The following INPP4B variants were observed in gnomAD, a reference collection of about 807,000 sequenced individuals.
INPP4B encodes inositol polyphosphate-4-phosphatase type II B, also known as inositol polyphosphate 4-phosphatase type II.
A neutral mutation model predicts 122.5 loss-of-function variants in INPP4B; 55 were observed. The ratio of observed to expected loss-of-function variants is 0.45; its 90% CI spans 0.36 to 0.56. The LOEUF is 0.56. Ranked by LOEUF, INPP4B falls within the 20% of genes least tolerant of loss-of-function variation. The pLI is 0.00. For synonymous variants in INPP4B, 403 were observed against 388.7 expected, an observed-to-expected ratio of 1.04 and a Z score of -0.43; for missense variants, 1,000 against 1,097.7, an observed-to-expected ratio of 0.91 and a Z score of 1.26.
intron 2 of INPP4B, among the ~76,000 whole-genome samples, chr4:142,572,241 G>A (rs957071645): frequency 3.3e-5 from 5 of 152,160 alleles, no homozygotes; most frequent in African/African-American, 4.8e-5. Context: ...GCAAGGATAT[G>A]ATTTTACCTC....
intron 2 of INPP4B, among the ~76,000 whole-genome samples, chr4:142,617,264 A>T (rs1264460872): frequency 6.6e-6 from 1 of 152,030 alleles, no homozygotes; most frequent in African/African-American, 2.4e-5. Context: ...ATTTCTATTG[A>T]CAAATTGACA....
intron 2 of INPP4B, among the ~76,000 whole-genome samples, chr4:142,607,274 A>G (rs1741468081): frequency 6.6e-6 from 1 of 152,026 alleles, no homozygotes; most frequent in Non-Finnish European, 1.5e-5. Flanking sequence ...AAAGCAGATA[A>G]GATTTTATTT....
intron 5 of INPP4B, among the ~76,000 whole-genome samples, chr4:142,415,938 G>C (rs535257571): frequency 6.6e-6 from 1 of 151,282 alleles, no homozygotes; most frequent in African/African-American, 2.4e-5. Flanking sequence ...TCACTCATAG[G>C]TGGGAATTGA....
At chr4:142,658,074 C>T (rs563693865) in intron 2 of INPP4B, among the ~76,000 whole-genome samples, 355 of 152,236 alleles carry the variant, frequency 2.3e-3, no homozygotes, top group African/African-American at 7.8e-3. Context: ...TGATGTCTAA[C>T]GATATGCTAT....
At chr4:142,626,353 T>A (rs1746396499) in intron 2 of INPP4B, among the ~76,000 whole-genome samples, 1 of 151,970 alleles carries the variant, frequency 6.6e-6, no homozygotes, top group Non-Finnish European at 1.5e-5. Flanking sequence ...GGGACAGGGA[T>A]CTTCTTTAAG....
chr4:142,092,227 G>A (rs1427017773), intron 23 of INPP4B, among the ~76,000 whole-genome samples: 1 of 152,072 alleles, frequency 6.6e-6, no homozygotes, highest in African/African-American at 2.4e-5. Flanking sequence ...ACCAGACATA[G>A]GATAAAATTA....
intron 1 of INPP4B, among the ~76,000 whole-genome samples, chr4:142,747,319 A>G (rs1051690345): frequency 6.6e-6 from 1 of 152,180 alleles, no homozygotes; most frequent in Non-Finnish European, 1.5e-5. Flanking sequence ...AACCACGATG[A>G]CATACCAACT....
intron 2 of INPP4B, among the ~76,000 whole-genome samples, chr4:142,511,638 A>G (rs1824730165): frequency 6.6e-6 from 1 of 152,180 alleles, no homozygotes; most frequent in Non-Finnish European, 1.5e-5. Flanking sequence ...TCCAATCCCC[A>G]GACTGCCCCC....
At chr4:142,535,874 CTGA>C (rs1828136246) in intron 2 of INPP4B, among the ~76,000 whole-genome samples, 1 of 152,166 alleles carries the variant, frequency 6.6e-6, no homozygotes, top group South Asian at 2.1e-4. Flanking sequence ...AATTTCCAGG[CTGA>C]TATCTTCAGT....
chr4:142,808,407 CCT>C lies in INPP4B; in HGVS notation c.-254+37800_-254+37801del, dbSNP rs1160006882. 3.9e-5 allele frequency among the ~76,000 whole-genome samples: 6 copies of C among 152,190 alleles called. No homozygotes were observed. The East Asian group carries it at 1.2e-3, about 29-fold the overall frequency. ...AAAGTCTCTCAAATGATTTATAATA[CCT>C]GTTTCAAGACTCAAAGAATCATCTA... On this transcript the variant is annotated intron_variant, in intron 1 of 25. Transcript: ENST00000262992.
At chr4:142,379,699 T>G (rs942098195) in intron 7 of INPP4B, among the ~76,000 whole-genome samples, 2 of 152,166 alleles carry the variant, frequency 1.3e-5, no homozygotes, top group African/African-American at 4.8e-5. Flanking sequence ...TATAAATAAC[T>G]AGTTTCTGCT....
At chr4:142,238,258 C>A (rs1174082188) in intron 11 of INPP4B, among the ~76,000 whole-genome samples, 1 of 151,644 alleles carries the variant, frequency 6.6e-6, no homozygotes, top group Non-Finnish European at 1.5e-5. Flanking sequence ...GACATATAAT[C>A]TTTGTTAAAT....
chr4:142,302,623 C>T (rs1174876438), intron 9 of INPP4B, among the ~76,000 whole-genome samples: 1 of 152,012 alleles, frequency 6.6e-6, no homozygotes, highest in Admixed American at 6.6e-5. Flanking sequence ...ATTATCAGAG[C>T]ACAAAGCACA....
intron 7 of INPP4B, among the ~76,000 whole-genome samples, chr4:142,315,920 A>C (rs935090878): frequency 1.9e-4 from 29 of 152,034 alleles, no homozygotes; most frequent in African/African-American, 7.0e-4. Context: ...AAGTCTTGAC[A>C]TACCTGACCA....
intron 7 of INPP4B, among the ~76,000 whole-genome samples, chr4:142,361,126 C>A (rs1015833178): frequency 1.3e-5 from 2 of 151,872 alleles, no homozygotes; most frequent in Admixed American, 6.6e-5. Context: ...GTCCACCCAC[C>A]ATCATCTGTT....
intron 2 of INPP4B, among the ~76,000 whole-genome samples, chr4:142,579,264 T>C (rs1355356011): frequency 6.6e-6 from 1 of 151,872 alleles, no homozygotes; most frequent in African/African-American, 2.4e-5. Flanking sequence ...ATAATGTCAG[T>C]GGATTAAGGG....
intron 2 of INPP4B, among the ~76,000 whole-genome samples, chr4:142,666,685 C>T (rs748274642): frequency 2.6e-5 from 4 of 151,858 alleles, no homozygotes; most frequent in Non-Finnish European, 5.9e-5. Flanking sequence ...ACTTTTCTTG[C>T]TGTTGAACAC....
chr4:142,236,857 G>T (rs1163120582), intron 12 of INPP4B, among the ~76,000 whole-genome samples: 1 of 152,108 alleles, frequency 6.6e-6, no homozygotes, highest in African/African-American at 2.4e-5. Context: ...GCATATGGCA[G>T]GAACCCAATT....
intron 2 of INPP4B, among the ~76,000 whole-genome samples, chr4:142,659,475 T>C (rs1337123585): frequency 1.3e-5 from 2 of 152,074 alleles, no homozygotes; most frequent in Non-Finnish European, 2.9e-5. Flanking sequence ...GTCACTAAAT[T>C]CTAAACTCAT....
Sources: allele counts gnomAD v4.1 joint callset (sites outside exome capture counted in the v4.1 genomes callset), GRCh38; gene constraint gnomAD v4.1.1; transcripts MANE v1.5; gene names NCBI Gene and HGNC (gene_info 2026-07-23, HGNC 2026-07-21).